The following ZMIZ1 variants were observed in gnomAD, a reference collection of about 807,000 sequenced individuals.
The protein encoded by ZMIZ1 is zinc finger MIZ domain-containing protein 1.
A neutral mutation model predicts 113.9 loss-of-function variants in ZMIZ1; 17 were observed. The ratio of observed to expected loss-of-function variants is 0.15; its 90% CI spans 0.10 to 0.22. The LOEUF (loss-of-function observed/expected upper bound fraction) is 0.22, where lower values mean the gene tolerates loss of function less well. Among genes scored for constraint, ZMIZ1 ranks in the 10% least tolerant of loss-of-function variants. The pLI is 1.00. For missense variants in ZMIZ1, 1,059 were observed against 1,477.8 expected (o/e 0.72, Z 4.65); for synonymous variants, 607 against 603.1 (o/e 1.01, Z -0.09).
At chr10:79,145,540 T>A (rs949858445) in intron 3 of ZMIZ1, among the ~76,000 whole-genome samples, 12 of 151,912 alleles carry the variant, frequency 7.9e-5, no homozygotes, top group African/African-American at 2.9e-4. Flanking sequence ...ATCCATAAAA[T>A]GGGGTGATAA....
intron 5 of ZMIZ1, among the ~76,000 whole-genome samples, chr10:79,204,591 C>T (rs1370971088): frequency 2.0e-5 from 3 of 152,228 alleles, no homozygotes; most frequent in Non-Finnish European, 4.4e-5. Flanking sequence ...TCAGGTCTCC[C>T]ACCAGGTTGA....
chr10:79,311,282 G>A (rs1855141566), intron 24 of ZMIZ1, 98 bp downstream of exon 24: 1 of 1,423,380 alleles, frequency 7.0e-7, no homozygotes, highest in Non-Finnish European at 9.3e-7. Context: ...GGCCCCGAAG[G>A]GAGGAGGTGG....
chr10:79,086,296 C>A (rs1311520431), intron 1 of ZMIZ1, among the ~76,000 whole-genome samples: 1 of 152,190 alleles, frequency 6.6e-6, no homozygotes, highest in Non-Finnish European at 1.5e-5. Flanking sequence ...CTCCTCTGGA[C>A]TCCCTCAGCC....
At chr10:79,126,779 G>A (rs996530814) in intron 2 of ZMIZ1, among the ~76,000 whole-genome samples, 1 of 152,224 alleles carries the variant, frequency 6.6e-6, no homozygotes, top group African/African-American at 2.4e-5. Context: ...CAGCAGGGAA[G>A]TGCCTCAGTG....
At chr10:79,246,490 A>G (rs1450696873) in intron 7 of ZMIZ1, among the ~76,000 whole-genome samples, 3 of 152,186 alleles carry the variant, frequency 2.0e-5, no homozygotes, top group Admixed American at 1.3e-4. Flanking sequence ...TGGCTCCTCC[A>G]TGGGGAAGGA....
At chr10:79,242,807 G>A (rs1849918034) in intron 7 of ZMIZ1, among the ~76,000 whole-genome samples, 1 of 152,218 alleles carries the variant, frequency 6.6e-6, no homozygotes, top group East Asian at 1.9e-4. Context: ...CGCCGCCCCC[G>A]CCCGGAGGCT....
chr10:79,077,748 AAAC>A (rs1842523516), intron 1 of ZMIZ1, among the ~76,000 whole-genome samples: 1 of 152,212 alleles, frequency 6.6e-6, no homozygotes, highest in Non-Finnish European at 1.5e-5. Flanking sequence ...CACATCTGTA[AAAC>A]AGGCTTACTA....
At chr10:79,165,731 G>A (rs1429651659) in intron 4 of ZMIZ1, among the ~76,000 whole-genome samples, 1 of 152,186 alleles carries the variant, frequency 6.6e-6, no homozygotes, top group Non-Finnish European at 1.5e-5. Flanking sequence ...GGTCTTGACA[G>A]CTCCCCGTGG....
chr10:79,281,343 G>T (rs747369946), intron 8 of ZMIZ1, among the ~76,000 whole-genome samples: 1 of 152,218 alleles, frequency 6.6e-6, no homozygotes, highest in Admixed American at 6.5e-5. Context: ...GGGCTTTGGG[G>T]TTCAGATGGA....
chr10:79,293,816 T>G, intron 12 of ZMIZ1, 163 bp downstream of exon 12: 1 of 1,047,900 alleles, frequency 9.5e-7, no homozygotes, highest in Non-Finnish European at 1.4e-6. Flanking sequence ...TGAGACCTGG[T>G]TCTGCTGTTT....
At chr10:79,116,809 C>G (rs868360765) in intron 1 of ZMIZ1, among the ~76,000 whole-genome samples, 1 of 152,234 alleles carries the variant, frequency 6.6e-6, no homozygotes, top group Non-Finnish European at 1.5e-5. Flanking sequence ...CCCACTAGAG[C>G]CCCCTGTGCC....
At chr10:79,288,704 C>T (rs1198423606) in intron 8 of ZMIZ1, among the ~76,000 whole-genome samples, 1 of 152,190 alleles carries the variant, frequency 6.6e-6, no homozygotes, top group Non-Finnish European at 1.5e-5. Context: ...CCCCAGCCTC[C>T]TGGGGGCTGG....
At chr10:79,092,706 A>C (rs1376833242) in intron 1 of ZMIZ1, among the ~76,000 whole-genome samples, 1 of 152,118 alleles carries the variant, frequency 6.6e-6, no homozygotes, top group African/African-American at 2.4e-5. Context: ...TGATTAGTCT[A>C]CTTGGTTACA....
chr10:79,245,799 A>G (rs983785551), intron 7 of ZMIZ1, among the ~76,000 whole-genome samples: 3 of 152,208 alleles, frequency 2.0e-5, no homozygotes, highest in African/African-American at 2.4e-5. Flanking sequence ...GTGAATTTCA[A>G]TTAATTAAAG....
intron 7 of ZMIZ1, among the ~76,000 whole-genome samples, chr10:79,260,698 G>A (rs1326743634): frequency 1.3e-5 from 2 of 152,232 alleles, no homozygotes; most frequent in African/African-American, 4.8e-5. Flanking sequence ...GAACGGTGAG[G>A]TGGAATCATC....
intron 7 of ZMIZ1, among the ~76,000 whole-genome samples, chr10:79,219,596 C>T (rs1200646641): frequency 6.6e-6 from 1 of 152,208 alleles, no homozygotes; most frequent in Non-Finnish European, 1.5e-5. Flanking sequence ...GAGTGGCATT[C>T]CCAGCATCAC....
intron 4 of ZMIZ1, among the ~76,000 whole-genome samples, chr10:79,196,843 C>T (rs1021426644): frequency 6.6e-6 from 1 of 152,222 alleles, no homozygotes; most frequent in Non-Finnish European, 1.5e-5. Context: ...ACTGACTTGC[C>T]CCTCTGCAGC....
chr10:79,158,475 C>A (rs1845987642), intron 3 of ZMIZ1, among the ~76,000 whole-genome samples: 1 of 152,230 alleles, frequency 6.6e-6, no homozygotes, highest in African/African-American at 2.4e-5. Context: ...TCTACCCACT[C>A]TTGCCCTAAC....
rs1235884428 is a variant in ZMIZ1, at chr10:79,312,655, T to C, written c.3110T>C (p.Leu1037Pro). Residue 1037 changes from leucine (L) to proline (P), a missense_variant, in exon 25 of 25, where the codon CTC becomes CCC. By Grantham distance (98) the Leu-to-Pro change is moderately conservative (BLOSUM62 -3). Coordinates refer to ENST00000334512, the MANE Select transcript of ZMIZ1 (RefSeq NM_020338.4). Reference sequence around the variant, plus strand: ...CTTCTTTTCCAGCTCCTTCCCGAACTCACAAATCCTGACGAGCTCCTGTCT... The same window carrying C: ...CTTCTTTTCCAGCTCCTTCCCGAACCCACAAATCCTGACGAGCTCCTGTCT... Reference protein sequence around the residue: ...PEPSLDLLPELTNPDELLSYL... With the variant: ...PEPSLDLLPEPTNPDELLSYL... 1 of 1,614,086 alleles carries C rather than the reference T, an allele frequency of 6.2e-7. No individual in the cohort carries two copies. The highest frequency in any genetic ancestry group is 8.5e-7 in the Non-Finnish European group (1 of 1,180,000).
Sources: gnomAD v4.1 joint callset for allele counts (sites outside exome capture counted in the v4.1 genomes callset) on GRCh38, gnomAD v4.1.1 for gene constraint, MANE v1.5 for transcripts, NCBI Gene and HGNC (gene_info 2026-07-23, HGNC 2026-07-21) for gene names.